RNF212: variants seen among roughly 807,000 people sequenced by gnomAD.
RNF212 encodes probable E3 SUMO-protein ligase RNF212.
A neutral mutation model predicts 34.7 loss-of-function variants in RNF212; 33 were observed. The observed-to-expected ratio is 0.95, with a 90% CI of 0.72 to 1.27. The LOEUF (loss-of-function observed/expected upper bound fraction) is 1.27, where lower values mean the gene tolerates loss of function less well. RNF212 is among the 50% of genes most tolerant of loss of function. The pLI, the probability that RNF212 is intolerant of heterozygous loss-of-function variation, is 0.00. For missense variants in RNF212, 377 were observed against 362.2 expected (o/e 1.04, Z -0.33); for synonymous variants, 140 against 136.1 (o/e 1.03, Z -0.20).
intron 4 of RNF212, chr4:1,057,028 A>T (rs919455117): frequency 1.0e-6 from 1 of 979,094 alleles, no homozygotes; most frequent in Non-Finnish European, 1.2e-6. Context: ...GAAACACAAC[A>T]TCATGAATGC....
At chr4:1,093,791 A>AGGGTGAGG in intron 3 of RNF212, 2 of 1,536,298 alleles carry the variant, frequency 1.3e-6, no homozygotes, top group Non-Finnish European at 1.7e-6. Flanking sequence ...GGGATGGAGC[A>AGGGTGAGG]GGGTGAGGGG....
chr4:1,101,458 A>G (rs1723974403), intron 2 of RNF212: 1 of 155,996 alleles, frequency 6.4e-6, no homozygotes, highest in African/African-American at 2.4e-5. Context: ...TCTGCTTAAG[A>G]TGGGATTTTG....
chr4:1,076,814 T>C (rs1719382446), intron 8 of RNF212, among the ~76,000 whole-genome samples: 1 of 152,240 alleles, frequency 6.6e-6, no homozygotes, highest in Non-Finnish European at 1.5e-5. Flanking sequence ...AATGAAGTTT[T>C]ATTAGAACAC....
At chr4:1,060,977 C>A (rs572193066) in intron 3 of RNF212, among the ~76,000 whole-genome samples, 2 of 152,350 alleles carry the variant, frequency 1.3e-5, no homozygotes, top group East Asian at 3.9e-4. Flanking sequence ...TCTACGAAGC[C>A]AAGTGCGAAA....
chr4:1,078,938 T>C (rs1271360596), intron 8 of RNF212, among the ~76,000 whole-genome samples: 2,139 of 71,570 alleles, frequency 0.03, 97 homozygotes, highest in African/African-American at 0.13. Context: ...CAACACAGGG[T>C]CAACACAGGA....
At chr4:1,098,815 T>C (rs1315724729) in intron 2 of RNF212, among the ~76,000 whole-genome samples, 1 of 152,186 alleles carries the variant, frequency 6.6e-6, no homozygotes, top group Non-Finnish European at 1.5e-5. Flanking sequence ...CAGCAGAGCG[T>C]GGCCCATGTG....
intron 2 of RNF212, 26 bp downstream of exon 2, chr4:1,108,317 T>C (rs762170052): frequency 2.1e-5 from 30 of 1,411,350 alleles, no homozygotes; most frequent in Admixed American, 5.6e-5. Context: ...GTGATTAAGA[T>C]GCAGATACGA....
In RNF212 at chr4:1,073,714, G is replaced by A. The variant is rs111893367; in HGVS notation, c.511-52C>T. 1.7e-5 allele frequency: 21 copies of A among 1,254,662 alleles called. 1 individual carries two copies. The highest frequency in any genetic ancestry group is 1.6e-4 in the African/African-American group (11 of 67,238). 77.7% of individuals were successfully genotyped at this position (1,254,662 alleles called of 1,614,324 possible). On this transcript the variant is annotated intron_variant, in intron 8 of 9. Transcript: ENST00000433731. ...GTAAAATTCCAATATTGCGGCTTAC[G>A]AGATTCGGACTCCCACTGTCTGTTA...
At chr4:1,078,956 A>G (rs35223150) in intron 8 of RNF212, among the ~76,000 whole-genome samples, 66,677 of 112,562 alleles carry the variant, frequency 0.59, 21,143 homozygotes, top group Middle Eastern at 0.69. Context: ...GGACCAACAC[A>G]GGACCAACAT....
intron 9 of RNF212, 26 bp downstream of exon 9, chr4:1,073,573 C>A: frequency 6.6e-7 from 1 of 1,504,022 alleles, no homozygotes; most frequent in South Asian, 1.1e-5. Context: ...ATGTATCGGT[C>A]TGAGGTTACA....
chr4:1,104,329 T>A (rs1211758422), intron 2 of RNF212, among the ~76,000 whole-genome samples: 1 of 152,180 alleles, frequency 6.6e-6, no homozygotes, highest in Non-Finnish European at 1.5e-5. Flanking sequence ...TGGGGACACT[T>A]GTTTCTTGCC....
Position 1,102,833 on chromosome 4 carries a change from C to A in RNF212, c.171+5510G>T, listed in dbSNP as rs184214587. ...CGCCACTGCACTCCAGCCTAGGCAA[C>A]AGAGCGAGACTCCGTCTCAAAAAAA... On this transcript the variant is annotated intron_variant, in intron 2 of 9. Transcript: ENST00000433731. Among the ~76,000 whole-genome samples, 339 of 151,060 alleles carry A rather than the reference C, an allele frequency of 2.2e-3. 11 individuals carry two copies. In the South Asian group the frequency reaches 0.06, roughly 27 times the overall value.
At chr4:1,085,301 A>G (rs1720991951) in intron 5 of RNF212, among the ~76,000 whole-genome samples, 1 of 152,264 alleles carries the variant, frequency 6.6e-6, no homozygotes, top group South Asian at 2.1e-4. Flanking sequence ...CAGATGCAAT[A>G]CGGCAAAAGC....
At chr4:1,099,802 T>C (rs1245573716) in intron 2 of RNF212, 5 of 455,942 alleles carry the variant, frequency 1.1e-5, no homozygotes, top group Non-Finnish European at 2.2e-5. Flanking sequence ...TGCAGAGCAA[T>C]CGAGTCCACA....
intron 3 of RNF212, among the ~76,000 whole-genome samples, chr4:1,059,715 C>T (rs766798855): frequency 6.6e-6 from 1 of 152,250 alleles, no homozygotes; most frequent in Non-Finnish European, 1.5e-5. Flanking sequence ...AAAACAAAAC[C>T]CTGTACATTG....
At chr4:1,058,350 CGTT>C (rs1405133123) in exon 4 of RNF212, 1 of 983,060 alleles carries the variant, frequency 1.0e-6, no homozygotes, top group Non-Finnish European at 1.2e-6. Context: ...TCCTCTGACT[CGTT>C]GTCAGGCCGG....
In RNF212 at chr4:1,081,893, T is replaced by C. The variant is rs76554135; in HGVS notation, c.363-274A>G. ...CAACTGTCACTCAGCACATGGCCAC[T>C]GCGGGTGTTAAAGGTGTGAAATTAA... On this transcript the variant is annotated intron_variant, in intron 5 of 9. Transcript: ENST00000433731. The C allele has an allele frequency of 7.2e-3, 3,124 of 433,400 alleles. 68 individuals are homozygous for C. The highest frequency in any genetic ancestry group is 0.056 in the African/African-American group (2,783 of 50,090). 26.8% of individuals were successfully genotyped at this position (433,400 alleles called of 1,614,324 possible). A position where few individuals can be genotyped will look rare whatever the true frequency, so the allele number is the denominator to read the frequency against.
chr4:1,078,718 C>A (rs1719741285), intron 8 of RNF212, among the ~76,000 whole-genome samples: 1 of 152,258 alleles, frequency 6.6e-6, no homozygotes, highest in African/African-American at 2.4e-5. Flanking sequence ...CAGCACGGGA[C>A]CAACATGGGA....
At chr4:1,071,100 T>C (rs1718451174), downstream of RNF212, among the ~76,000 whole-genome samples, 2 of 151,920 alleles carry the variant, frequency 1.3e-5, no homozygotes. Flanking sequence ...AAATAAATTA[T>C]TTTAAAAAAC....
Sources: gnomAD v4.1 joint callset for allele counts (sites outside exome capture counted in the v4.1 genomes callset) on GRCh38, gnomAD v4.1.1 for gene constraint, MANE v1.5 for transcripts, NCBI Gene and HGNC (gene_info 2026-07-23, HGNC 2026-07-21) for gene names.